Variants in CAP2 observed in about 807,000 individuals in gnomAD.
CAP2 encodes the protein cyclase associated actin cytoskeleton regulatory protein 2.
In CAP2, 24 loss-of-function variants were observed where a neutral mutation model predicts 57.7. That is an observed-to-expected ratio of 0.42 (90% CI 0.30 to 0.58). The LOEUF (loss-of-function observed/expected upper bound fraction) is 0.58. Ranked by LOEUF, CAP2 falls within the 20% of genes least tolerant of loss-of-function variation. CAP2 has a pLI of 0.22. For synonymous variants in CAP2, 194 were observed against 207.2 expected (o/e 0.94, Z 0.55); for missense variants, 501 against 590.3 (o/e 0.85, Z 1.57).
chr6:17,533,014 G>A (rs1447345617), intron 7 of CAP2, among the ~76,000 whole-genome samples: 8 of 139,704 alleles, frequency 5.7e-5, no homozygotes, highest in African/African-American at 1.7e-4. Flanking sequence ...GCGGTGAGCC[G>A]AGATCACACC....
intron 7 of CAP2, among the ~76,000 whole-genome samples, chr6:17,537,903 C>T (rs887058431): frequency 9.9e-5 from 15 of 151,772 alleles, no homozygotes; most frequent in Admixed American, 8.5e-4. Context: ...CCTGTGTCTA[C>T]TAAAGATATA....
At chr6:17,421,796 A>G (rs192567437) in intron 2 of CAP2, 120 bp downstream of exon 2, 23 of 1,143,508 alleles carry the variant, frequency 2.0e-5, no homozygotes, top group Admixed American at 1.1e-4. Flanking sequence ...CTTCCATCGT[A>G]TGTGACCATA....
intron 1 of CAP2, among the ~76,000 whole-genome samples, chr6:17,395,214 C>CTT (rs766810766): frequency 1.3e-5 from 2 of 152,050 alleles, no homozygotes; most frequent in Non-Finnish European, 2.9e-5. Flanking sequence ...TTTGGTAAAC[C>CTT]TTTGAGTTAA....
intron 11 of CAP2, among the ~76,000 whole-genome samples, chr6:17,546,675 G>A (rs188638894): frequency 2.6e-5 from 4 of 152,070 alleles, no homozygotes; most frequent in African/African-American, 7.2e-5. Flanking sequence ...TTGATGGGAC[G>A]TATCTCAAAA....
intron 7 of CAP2, 67 bp from the exon 8 acceptor site, chr6:17,539,202 C>G: frequency 4.1e-6 from 6 of 1,480,860 alleles, no homozygotes; most frequent in Non-Finnish European, 5.5e-6. Flanking sequence ...TTTCGACTCT[C>G]TCGGGCAAAA....
At chr6:17,427,061 A>C (rs1759610426) in intron 3 of CAP2, among the ~76,000 whole-genome samples, 1 of 152,210 alleles carries the variant, frequency 6.6e-6, no homozygotes, top group African/African-American at 2.4e-5. Flanking sequence ...AGAGTGCTGG[A>C]AACAGGGCTA....
At chr6:17,443,012 C>T (rs1011291119) in intron 3 of CAP2, among the ~76,000 whole-genome samples, 3 of 151,998 alleles carry the variant, frequency 2.0e-5, no homozygotes, top group African/African-American at 2.4e-5. Context: ...CCACTGGCCC[C>T]GGCTGGCCCC....
At chr6:17,550,466 G>C (rs908306318) in intron 11 of CAP2, among the ~76,000 whole-genome samples, 2 of 137,930 alleles carry the variant, frequency 1.5e-5, no homozygotes, top group Admixed American at 7.8e-5. Context: ...TCTATGGAGA[G>C]AGAGGAGGAA....
intron 1 of CAP2, among the ~76,000 whole-genome samples, chr6:17,405,498 G>GTCTCTCTC (rs57158664): frequency 1.3e-4 from 20 of 148,514 alleles, no homozygotes; most frequent in African/African-American, 4.4e-4. Flanking sequence ...TGAATGTGGA[G>GTCTCTCTC]TCTCTCTCTC....
chr6:17,553,494 G>A (rs757683005), intron 12 of CAP2, among the ~76,000 whole-genome samples: 4 of 152,082 alleles, frequency 2.6e-5, no homozygotes, highest in African/African-American at 4.8e-5. Flanking sequence ...TTAGCTGGGC[G>A]TGGTGGCACA....
Position 17,513,951 on chromosome 6 carries a change from A to G in CAP2, c.633A>G (p.Lys211=). The change falls in exon 7 of 13, where the codon AAA becomes AAG. Residue 211 remains lysine, a synonymous_variant. Coordinates refer to ENST00000229922, the MANE Select transcript of CAP2 (RefSeq NM_006366.3). The surrounding 1 kb of genome is among the most constrained non-coding windows in gnomAD (Gnocchi z 4.3). Reference sequence around the variant, plus strand: ...ACACCACGGGCCTCACATGGAGCAAAACAGTGAGTACGAGGCCTTCCTCCA... The same window carrying G: ...ACACCACGGGCCTCACATGGAGCAAGACAGTGAGTACGAGGCCTTCCTCCA... ...EHHTTGLTWS[K]TGPVASTVSA... The G allele has an allele frequency of 6.3e-7, 1 of 1,591,534 alleles. No homozygotes were observed. Among genetic ancestry groups the G allele is most frequent in the Non-Finnish European group, 8.6e-7 (1 of 1,159,390 alleles).
intron 11 of CAP2, among the ~76,000 whole-genome samples, chr6:17,547,641 A>C (rs1307241024): frequency 1.3e-5 from 2 of 152,006 alleles, no homozygotes; most frequent in African/African-American, 2.4e-5. Flanking sequence ...GGAGATTGAG[A>C]CCATCCTGGC....
chr6:17,408,290 G>C (rs1236681253), intron 1 of CAP2, among the ~76,000 whole-genome samples: 1 of 150,020 alleles, frequency 6.7e-6, no homozygotes, highest in African/African-American at 2.5e-5. Flanking sequence ...GAAGAAGCAG[G>C]AGGAGAGGAG....
intron 3 of CAP2, among the ~76,000 whole-genome samples, chr6:17,432,191 G>A (rs1033224981): frequency 1.3e-5 from 2 of 152,040 alleles, no homozygotes; most frequent in East Asian, 1.9e-4. Context: ...TTTATTTTAC[G>A]GATGGTATCT....
intron 12 of CAP2, 146 bp from the exon 13 acceptor site, chr6:17,556,212 TC>T: frequency 1.6e-6 from 1 of 622,128 alleles, no homozygotes. Context: ...GACAAAGACC[TC>T]CCCATGACGC....
At chr6:17,440,013 G>A (rs1036468244) in intron 3 of CAP2, among the ~76,000 whole-genome samples, 1 of 151,462 alleles carries the variant, frequency 6.6e-6, no homozygotes, top group African/African-American at 2.4e-5. Flanking sequence ...GGTCTTGCTT[G>A]TCTTTGCTTT....
chr6:17,514,924 G>T (rs115028623), intron 7 of CAP2, among the ~76,000 whole-genome samples: 60 of 151,718 alleles, frequency 4.0e-4, no homozygotes, highest in African/African-American at 1.2e-3. Context: ...CGTGATAGAG[G>T]CTGGGCACGG....
rs186449473 is a variant in CAP2, at chr6:17,429,872, G to A, written c.222+3182G>A. ...GAACATGCCGTTTATTTTTTCTCTC[G>A]CTTACAGAACCATGTGTCATTGGCA... is the stretch of plus-strand genomic sequence containing the variant. On this transcript the variant is annotated intron_variant, in intron 3 of 12. Coordinates refer to ENST00000229922, the MANE Select transcript of CAP2 (RefSeq NM_006366.3). Among the ~76,000 whole-genome samples the A allele has an allele frequency of 3.9e-4, 59 of 152,176 alleles. 2 individuals are homozygous for A. Among genetic ancestry groups the A allele is most frequent in the East Asian group, 3.1e-3 (16 of 5,178 alleles).
intron 4 of CAP2, among the ~76,000 whole-genome samples, chr6:17,492,621 C>T (rs1028290518): frequency 1.3e-4 from 20 of 152,202 alleles, no homozygotes; most frequent in African/African-American, 4.1e-4. Flanking sequence ...TTCCATACTC[C>T]GTTCTGATCA....
Sources: gnomAD v4.1 joint callset for allele counts (sites outside exome capture counted in the v4.1 genomes callset) on GRCh38, gnomAD v4.1.1 for gene constraint, Gnocchi (gnomAD v3.1) non-coding constraint, MANE v1.5 for transcripts, NCBI Gene and HGNC (gene_info 2026-07-23, HGNC 2026-07-21) for gene names.